TMEM63C: variants seen among roughly 807,000 people sequenced by gnomAD.
TMEM63C encodes the protein transmembrane protein 63C.
A neutral mutation model predicts 99.2 loss-of-function variants in TMEM63C; 32 were observed. That is an observed-to-expected ratio of 0.32 (90% CI 0.24 to 0.43). TMEM63C has a LOEUF of 0.43. TMEM63C is among the 20% of genes least tolerant of loss of function. TMEM63C has a pLI of 1.00. For synonymous variants in TMEM63C, 376 were observed against 397.9 expected (o/e 0.94, Z 0.66); for missense variants, 826 against 1,053.0 (o/e 0.78, Z 2.98).
intron 1 of TMEM63C, among the ~76,000 whole-genome samples, chr14:77,202,484 G>C (rs1159904468): frequency 1.3e-5 from 2 of 152,150 alleles, no homozygotes; most frequent in Non-Finnish European, 2.9e-5. Context: ...TGTCAGCAGG[G>C]CCGTGCTCCC....
At position 77,251,860 on chromosome 14, in the gene TMEM63C, A is replaced by AT. The variant is rs34386450; in HGVS notation, c.2115dup (p.Leu706SerfsTer22). 6.2e-7 allele frequency: 1 copy of AT among 1,613,670 alleles called. No homozygotes were observed. Among genetic ancestry groups the AT allele is most frequent in the Non-Finnish European group, 8.5e-7 (1 of 1,179,868 alleles). Reference sequence around the variant, plus strand: ...TGCCATGGTGATTGCCTTTGTTGGCATTTTTCTGGGGAAGCTTCGGATGGT... The same window carrying AT: ...TGCCATGGTGATTGCCTTTGTTGGCATTTTTTCTGGGGAAGCTTCGGATGGT... On this transcript the variant is annotated frameshift_variant, in exon 22 of 24. Transcript: ENST00000298351. LOFTEE classifies it high-confidence loss of function.
chr14:77,253,689 G>C (rs1457031004), intron 23 of TMEM63C, among the ~76,000 whole-genome samples: 4 of 152,230 alleles, frequency 2.6e-5, no homozygotes, highest in Admixed American at 6.5e-5. Context: ...ACGCAGGGGG[G>C]CCTGCTGAGG....
At position 77,239,614 on chromosome 14, in the gene TMEM63C, T is replaced by C; in HGVS notation, c.818T>C (p.Met273Thr). The change falls in exon 12 of 24, where the codon ATG (methionine) becomes ACG (threonine). Residue 273 changes from methionine (M) to threonine (T), a missense_variant. Coordinates refer to ENST00000298351, the MANE Select transcript of TMEM63C (RefSeq NM_020431.4). ...IDLDDQRRHA[M>T]RGRLFYTAKA... ...CCCACCGCTGGCAGGCGCCATGCCA[T>C]GCGGGGCCGGCTTTTCTATACAGCC... is the stretch of plus-strand genomic sequence containing the variant. 6.2e-7 allele frequency: 1 copy of C among 1,613,386 alleles called. No individual in the cohort carries two copies. The highest frequency in any genetic ancestry group is 2.2e-5 in the East Asian group (1 of 44,886).
In TMEM63C at chr14:77,256,513, C is replaced by G; in HGVS notation, c.2221-13C>G. 1 of 1,613,800 alleles carries G rather than the reference C, an allele frequency of 6.2e-7. No individual in the cohort carries two copies. Among genetic ancestry groups the G allele is most frequent in the Non-Finnish European group, 8.5e-7 (1 of 1,179,834 alleles). On this transcript the variant is annotated splice_polypyrimidine_tract_variant and intron_variant, in intron 23 of 23. Transcript: ENST00000298351. ...GTGACCTTGCTCCTGTCCCCTGTCT[C>G]TATCCCAAGCAGCTGTATGTGGCCA...
In TMEM63C at chr14:77,258,151, A is replaced by C. The variant is rs887254456; in HGVS notation, c.*1425A>C. 6 of 152,502 alleles carry C rather than the reference A, an allele frequency of 3.9e-5. No homozygotes were observed. The highest frequency in any genetic ancestry group is 1.3e-4 in the Admixed American group (2 of 15,284). 9.4% of individuals were successfully genotyped at this position (152,502 alleles called of 1,614,324 possible). On this transcript the variant is annotated 3_prime_UTR_variant, in exon 24 of 24. Coordinates refer to ENST00000298351, the MANE Select transcript of TMEM63C (RefSeq NM_020431.4). ...GAAGGGCCAGTGGGGGCCTCAATGA[A>C]CCAGAACAAGCCAAGCTGAATGGGG...
chr14:77,259,051 TC>T lies in TMEM63C; in HGVS notation c.*2331del. ...GTGGAGCAGGGGGCATCTTTTAGCC[TC>T]CCCCCGCCACCACATCCAGGCCCTC... On this transcript the variant is annotated 3_prime_UTR_variant, in exon 24 of 24. Transcript: ENST00000298351. 6.6e-6 allele frequency: 1 copy of T among 151,390 alleles called. No homozygotes were observed. The highest frequency in any genetic ancestry group is 1.5e-5 in the Non-Finnish European group (1 of 68,094). The allele number at this position is 151,390 out of a possible 1,614,324, so 9.4% of individuals were successfully genotyped here. A position where few individuals can be genotyped will look rare whatever the true frequency, so the allele number is the denominator to read the frequency against.
intron 1 of TMEM63C, among the ~76,000 whole-genome samples, chr14:77,190,741 TCTTA>T (rs1477469571): frequency 1.3e-5 from 2 of 152,238 alleles, no homozygotes; most frequent in Non-Finnish European, 2.9e-5. Context: ...TGATTTTAAC[TCTTA>T]CTTCATAGGA....
Position 77,248,462 on chromosome 14 carries a change from C to A in TMEM63C, c.1717C>A (p.Arg573Ser). The part of the protein sequence containing the change: ...RLGSLFCYST[R>S]LFFSRSEPER... ...GGGGTCACTCTTCTGCTACAGCACC[C>A]GCCTCTTCTTCTCTAGATCAGAGCC... Residue 573 changes from arginine (R) to serine (S), a missense_variant, in exon 19 of 24, where the codon CGC (arginine) becomes AGC (serine). Transcript: ENST00000298351. The A allele has an allele frequency of 6.3e-7, 1 of 1,593,832 alleles. No homozygotes were observed. Among genetic ancestry groups the A allele is most frequent in the East Asian group, 2.3e-5 (1 of 43,724 alleles).
chr14:77,210,388 A>C (rs1888475252), intron 1 of TMEM63C, among the ~76,000 whole-genome samples: 1 of 152,190 alleles, frequency 6.6e-6, no homozygotes, highest in Admixed American at 6.5e-5. Flanking sequence ...CTGGAGACTC[A>C]GTTTCTCCAT....
rs754513534 is a variant in TMEM63C, at chr14:77,249,345, C to T, written c.1925C>T (p.Ser642Phe). ...ACGGATCGCTATAACATGTACTACT[C>T]CTTTGCACCCACCAAACTGAACGAG... ...HLTDRYNMYY[S>F]FAPTKLNEQI... Residue 642 changes from serine (S) to phenylalanine (F), a missense_variant, in exon 21 of 24, where the codon TCC becomes TTC. Ser to Phe is a radical substitution (Grantham distance 155). Coordinates refer to ENST00000298351, the MANE Select transcript of TMEM63C (RefSeq NM_020431.4). The T allele has an allele frequency of 6.2e-7, 1 of 1,614,034 alleles. No individual in the cohort carries two copies. Among genetic ancestry groups the T allele is most frequent in the Non-Finnish European group, 8.5e-7 (1 of 1,179,892 alleles).
In TMEM63C at chr14:77,238,723, G is replaced by A; in HGVS notation, c.681G>A (p.Val227=). 1 of 1,613,984 alleles carries A rather than the reference G, an allele frequency of 6.2e-7. No homozygotes were observed. The highest frequency in any genetic ancestry group is 1.7e-5 in the Admixed American group (1 of 60,022). Residue 227 remains valine (V), a synonymous_variant, in exon 10 of 24, where the codon GTG becomes GTA. Coordinates refer to ENST00000298351, the MANE Select transcript of TMEM63C (RefSeq NM_020431.4). ...CAAGGACACTAATGATCACCTATGT[G>A]CCCAAGGACATTGAAGACCCAGAAC... ...KVTRTLMITY[V]PKDIEDPELI... is the part of the protein sequence containing the mutation.
intron 5 of TMEM63C, 97 bp from the exon 6 acceptor site, chr14:77,225,327 G>T: frequency 8.7e-7 from 1 of 1,151,996 alleles, no homozygotes. Context: ...GGACGCTGCC[G>T]CGGCTGCCTC....
intron 20 of TMEM63C, 60 bp from the exon 21 acceptor site, chr14:77,249,231 G>A (rs1410787071): frequency 8.3e-6 from 13 of 1,565,252 alleles, no homozygotes; most frequent in African/African-American, 1.4e-5. Context: ...GGAGACACTG[G>A]AGCCACAAAG....
At chr14:77,209,284 TC>T (rs1888456310) in intron 1 of TMEM63C, among the ~76,000 whole-genome samples, 2 of 152,078 alleles carry the variant, frequency 1.3e-5, no homozygotes, top group African/African-American at 4.8e-5. Flanking sequence ...CTCCCTCCAC[TC>T]CCTGCAGCGA....
chr14:77,188,621 C>A (rs889222015), intron 1 of TMEM63C, among the ~76,000 whole-genome samples: 1 of 152,168 alleles, frequency 6.6e-6, no homozygotes, highest in Non-Finnish European at 1.5e-5. Flanking sequence ...GTAATCCCAG[C>A]ACTTTGGAGG....
intron 1 of TMEM63C, among the ~76,000 whole-genome samples, chr14:77,201,923 G>A (rs946362472): frequency 1.3e-5 from 2 of 152,160 alleles, no homozygotes; most frequent in Non-Finnish European, 2.9e-5. Flanking sequence ...AGGTGTGATG[G>A]GGACACTTGA....
chr14:77,210,269 C>A (rs868433834), intron 1 of TMEM63C, among the ~76,000 whole-genome samples: 26 of 152,024 alleles, frequency 1.7e-4, no homozygotes, highest in African/African-American at 6.0e-4. Flanking sequence ...TTCCAGTGAC[C>A]CCCTCCCAGG....
intron 1 of TMEM63C, among the ~76,000 whole-genome samples, chr14:77,199,704 C>T (rs796573722): frequency 2.4e-4 from 37 of 152,262 alleles, no homozygotes; most frequent in African/African-American, 8.2e-4. Flanking sequence ...GTGTAGGCAC[C>T]GGTTTTCCTG....
At chr14:77,215,629 G>GAAAAGAAAAGAAAAGAAAAGAAAAGAA (rs1888570651) in intron 2 of TMEM63C, among the ~76,000 whole-genome samples, 1 of 139,764 alleles carries the variant, frequency 7.2e-6, no homozygotes, top group African/African-American at 2.7e-5. Flanking sequence ...GAAAAGAAAA[G>GAAAAGAAAAGAAAAGAAAAGAAAAGAA]AAAAAGAAAC....
Sources: gnomAD v4.1 joint callset for allele counts (sites outside exome capture counted in the v4.1 genomes callset) on GRCh38, gnomAD v4.1.1 for gene constraint, MANE v1.5 for transcripts, NCBI Gene and HGNC (gene_info 2026-07-23, HGNC 2026-07-21) for gene names.